SVIL: variants seen among roughly 807,000 people sequenced by gnomAD.
The protein encoded by SVIL is archvillin.
Under a neutral mutation model 240.4 loss-of-function variants are expected in SVIL, and 101 were observed. The ratio of observed to expected loss-of-function variants is 0.42; its 90% confidence interval spans 0.36 to 0.50. SVIL has a LOEUF of 0.50. SVIL is among the 20% of genes least tolerant of loss of function. The probability of loss-of-function intolerance (pLI) is 0.01; values close to 1 mark genes in which losing one functional copy is unlikely to be tolerated. For missense variants in SVIL, 2,512 were observed against 2,818.7 expected, an observed-to-expected ratio of 0.89 and a Z score of 2.46; for synonymous variants, 999 against 1,100.0, an observed-to-expected ratio of 0.91 and a Z score of 1.82.
intron 16 of SVIL, 42 bp downstream of exon 16, chr10:29,522,368 C>G (rs1318573018): frequency 6.2e-7 from 1 of 1,601,756 alleles, no homozygotes. Flanking sequence ...GCTGTAAGCT[C>G]CTCCCCGAGA....
intron 36 of SVIL, among the ~76,000 whole-genome samples, chr10:29,459,257 T>C (rs994044719): frequency 7.9e-5 from 12 of 152,218 alleles, no homozygotes; most frequent in Non-Finnish European, 1.3e-4. Flanking sequence ...ACTATTGGCA[T>C]GTGCCACCAC....
At chr10:29,573,861 A>C (rs1955562827) in intron 1 of SVIL, among the ~76,000 whole-genome samples, 1 of 151,832 alleles carries the variant, frequency 6.6e-6, no homozygotes, top group African/African-American at 2.4e-5. Context: ...ATGCCCAACT[A>C]ATTTTTGTAT....
At chr10:29,695,417 C>A (rs1451055032) in intron 1 of SVIL, among the ~76,000 whole-genome samples, 1 of 152,130 alleles carries the variant, frequency 6.6e-6, no homozygotes, top group Non-Finnish European at 1.5e-5. Flanking sequence ...AACCAAAAAC[C>A]ATTTGTATCC....
intron 16 of SVIL, among the ~76,000 whole-genome samples, chr10:29,515,284 C>T (rs1477341246): frequency 1.3e-5 from 2 of 152,164 alleles, no homozygotes; most frequent in Non-Finnish European, 2.9e-5. Context: ...GGCTTGGACA[C>T]GAAGTCGAAA....
intron 1 of SVIL, among the ~76,000 whole-genome samples, chr10:29,720,779 G>A (rs1963923199): frequency 6.6e-6 from 1 of 152,172 alleles, no homozygotes; most frequent in South Asian, 2.1e-4. Flanking sequence ...GTTCTTATAT[G>A]ATATGTGAAG....
At chr10:29,646,126 C>T (rs907349724) in intron 3 of SVIL, among the ~76,000 whole-genome samples, 2 of 152,090 alleles carry the variant, frequency 1.3e-5, no homozygotes, top group African/African-American at 4.8e-5. Flanking sequence ...ATTTCTTGAA[C>T]GAATAAGGCA....
At chr10:29,665,049 G>A (rs1959205411) in intron 2 of SVIL, among the ~76,000 whole-genome samples, 3 of 151,800 alleles carry the variant, frequency 2.0e-5, no homozygotes, top group Non-Finnish European at 4.4e-5. Context: ...AGACCAGCTG[G>A]AGCAACATAG....
At chr10:29,458,622 C>T (rs769621552) in intron 36 of SVIL, 33 bp from the exon 37 acceptor site, 5 of 1,600,076 alleles carry the variant, frequency 3.1e-6, no homozygotes, top group Admixed American at 1.8e-5. Flanking sequence ...GAGGAGAGCT[C>T]GTGTCCTACA....
chr10:29,567,228 CG>C (rs1330293143), intron 2 of SVIL, among the ~76,000 whole-genome samples: 3 of 152,072 alleles, frequency 2.0e-5, no homozygotes, highest in African/African-American at 4.8e-5. Context: ...CATAGCAGCA[CG>C]GGGGAATTTT....
At chr10:29,487,106 T>TC in intron 24 of SVIL, 57 bp downstream of exon 24, 1 of 1,586,276 alleles carries the variant, frequency 6.3e-7, no homozygotes. Flanking sequence ...GGAAGAACAC[T>TC]CCTCCGGTGC....
At chr10:29,708,663 A>G (rs1400984785) in intron 1 of SVIL, among the ~76,000 whole-genome samples, 1 of 152,198 alleles carries the variant, frequency 6.6e-6, no homozygotes, top group Non-Finnish European at 1.5e-5. Flanking sequence ...TTTCTGGAAG[A>G]TGAATATAAC....
At chr10:29,555,911 G>T (rs1953886276) in intron 3 of SVIL, among the ~76,000 whole-genome samples, 2 of 152,178 alleles carry the variant, frequency 1.3e-5, no homozygotes, top group Admixed American at 6.5e-5. Context: ...TGCCTAAAGT[G>T]GCCGCTTCAA....
chr10:29,688,232 G>C (rs1205470483), intron 1 of SVIL, among the ~76,000 whole-genome samples: 3 of 152,182 alleles, frequency 2.0e-5, no homozygotes, highest in Non-Finnish European at 2.9e-5. Flanking sequence ...TGGATGCTTC[G>C]AGGCGGTGAG....
At chr10:29,659,037 G>T (rs1959083073) in intron 2 of SVIL, among the ~76,000 whole-genome samples, 1 of 152,174 alleles carries the variant, frequency 6.6e-6, no homozygotes, top group African/African-American at 2.4e-5. Context: ...AGAGTGAGGG[G>T]AAACCCCACC....
intron 33 of SVIL, 95 bp downstream of exon 33, chr10:29,467,647 C>A: frequency 6.6e-7 from 1 of 1,508,318 alleles, no homozygotes; most frequent in Non-Finnish European, 8.9e-7. Context: ...GAGCTGTGAT[C>A]ATACCACTAT....
chr10:29,522,493 C>A lies in SVIL; in HGVS notation c.3306G>T (p.Ala1102=). The stretch of plus-strand genomic sequence containing the variant: ...TTTTGATCTCTCCAGCAGCAAACAT[C>A]GCACATGGATTCTTGCAGAGCTTCT... ...PQEKLCKNPC[A]MFAAGEIKTP... Residue 1102 remains alanine, a synonymous_variant, in exon 16 of 38, where the codon GCG becomes GCT. Coordinates refer to ENST00000355867, the MANE Select transcript of SVIL (RefSeq NM_021738.3). The A allele has an allele frequency of 6.2e-7, 1 of 1,614,196 alleles. No homozygotes were observed. The highest frequency in any genetic ancestry group is 8.5e-7 in the Non-Finnish European group (1 of 1,180,026).
chr10:29,622,245 GTC>G (rs1473473949), intron 1 of SVIL, among the ~76,000 whole-genome samples: 29 of 56,112 alleles, frequency 5.2e-4, no homozygotes, highest in African/African-American at 1.8e-3. Context: ...GTGAGACTCC[GTC>G]TCAAAAAAAA....
At position 29,499,853 on chromosome 10, in the gene SVIL, T is replaced by G. The variant is rs1264093908; in HGVS notation, c.3517-590A>C. Among the ~76,000 whole-genome samples the G allele has an allele frequency of 2.6e-5, 4 of 152,252 alleles. No homozygotes were observed. In the East Asian group the frequency reaches 7.7e-4, roughly 29 times the overall value. On this transcript the variant is annotated intron_variant, in intron 17 of 37. Coordinates refer to ENST00000355867, the MANE Select transcript of SVIL (RefSeq NM_021738.3). ...CCAGGAGAGCCCACAGAAGTGGCTT[T>G]AAACTGTGAGACATCTGATGTTGAG...
At chr10:29,669,786 A>C (rs1959621324) in intron 2 of SVIL, among the ~76,000 whole-genome samples, 1 of 152,082 alleles carries the variant, frequency 6.6e-6, no homozygotes, top group Non-Finnish European at 1.5e-5. Context: ...AAATGTATTG[A>C]TATTGCTGTC....
Sources: allele counts gnomAD v4.1 joint callset (sites outside exome capture counted in the v4.1 genomes callset), GRCh38; gene constraint gnomAD v4.1.1; transcripts MANE v1.5; gene names NCBI Gene and HGNC (gene_info 2026-07-23, HGNC 2026-07-21).